CHST9: variants seen among roughly 807,000 people sequenced by gnomAD.
CHST9 encodes the protein carbohydrate sulfotransferase 9.
A neutral mutation model predicts 44.4 loss-of-function variants in CHST9; 41 were observed. The observed-to-expected ratio is 0.92, with a 90% CI of 0.72 to 1.20. The LOEUF (loss-of-function observed/expected upper bound fraction) is 1.20, where lower values mean the gene tolerates loss of function less well. CHST9 is among the 50% of genes most tolerant of loss of function. CHST9 has a pLI of 0.00. For missense variants in CHST9, 504 were observed against 516.5 expected (o/e 0.98, Z 0.23); for synonymous variants, 171 against 178.4 (o/e 0.96, Z 0.33).
intron 2 of CHST9, among the ~76,000 whole-genome samples, chr18:27,097,854 T>A (rs571075166): frequency 6.6e-6 from 1 of 152,156 alleles, no homozygotes; most frequent in African/African-American, 2.4e-5. Context: ...TTTCCCCATT[T>A]CTTGTTTTTG....
At chr18:27,132,524 T>A (rs2058480636) in intron 2 of CHST9, among the ~76,000 whole-genome samples, 1 of 152,176 alleles carries the variant, frequency 6.6e-6, no homozygotes, top group Non-Finnish European at 1.5e-5. Context: ...CAGCAAAGAC[T>A]TACTGAGCAT....
chr18:26,977,804 C>T (rs1345204354), intron 4 of CHST9, among the ~76,000 whole-genome samples: 1 of 152,116 alleles, frequency 6.6e-6, no homozygotes, highest in Non-Finnish European at 1.5e-5. Flanking sequence ...GTCTGACTCT[C>T]ATTCCAAGTG....
intron 4 of CHST9, among the ~76,000 whole-genome samples, chr18:26,950,900 T>C (rs982052997): frequency 4.6e-5 from 7 of 152,208 alleles, no homozygotes; most frequent in Non-Finnish European, 7.3e-5. Context: ...ACTTTCAGGA[T>C]AAAACTAGTC....
At chr18:26,962,921 T>C (rs1161694094) in intron 4 of CHST9, among the ~76,000 whole-genome samples, 1 of 152,206 alleles carries the variant, frequency 6.6e-6, no homozygotes, top group East Asian at 1.9e-4. Context: ...AAATCATTCG[T>C]GAGATGGGAT....
At chr18:27,022,246 A>G (rs1385258715) in intron 4 of CHST9, among the ~76,000 whole-genome samples, 1 of 152,150 alleles carries the variant, frequency 6.6e-6, no homozygotes, top group Non-Finnish European at 1.5e-5. Context: ...GCTTGTTCAC[A>G]GTATAGTGGC....
chr18:27,068,287 C>G (rs749974158), intron 2 of CHST9, among the ~76,000 whole-genome samples: 3 of 151,866 alleles, frequency 2.0e-5, no homozygotes, highest in Non-Finnish European at 4.4e-5. Flanking sequence ...TTTTTTCATA[C>G]TGACTTTACA....
chr18:27,113,497 T>G (rs1343534286), intron 2 of CHST9, among the ~76,000 whole-genome samples: 1 of 152,156 alleles, frequency 6.6e-6, no homozygotes, highest in African/African-American at 2.4e-5. Flanking sequence ...GTCCCCCTAA[T>G]AGTCATATGT....
intron 4 of CHST9, among the ~76,000 whole-genome samples, chr18:26,951,301 T>A (rs541933687): frequency 6.6e-6 from 1 of 152,324 alleles, no homozygotes; most frequent in Admixed American, 6.5e-5. Flanking sequence ...CTAATTCTTC[T>A]CATTGTAAGT....
At chr18:27,092,535 G>A (rs985747968) in intron 2 of CHST9, among the ~76,000 whole-genome samples, 2 of 152,064 alleles carry the variant, frequency 1.3e-5, no homozygotes, top group Non-Finnish European at 2.9e-5. Flanking sequence ...TAATTGTGGT[G>A]TTAGGGTGTT....
chr18:27,180,530 T>C (rs1011781129), intron 1 of CHST9, among the ~76,000 whole-genome samples: 2 of 152,140 alleles, frequency 1.3e-5, no homozygotes, highest in East Asian at 1.9e-4. Context: ...ACCTCTGTAC[T>C]GCTTCATTCT....
At chr18:27,010,787 G>T (rs996856583) in intron 4 of CHST9, among the ~76,000 whole-genome samples, 6 of 152,162 alleles carry the variant, frequency 3.9e-5, no homozygotes, top group Non-Finnish European at 5.9e-5. Context: ...ATCTGATTGG[G>T]AATTTCCTGA....
At chr18:26,959,048 C>A (rs2056365862) in intron 4 of CHST9, among the ~76,000 whole-genome samples, 1 of 152,114 alleles carries the variant, frequency 6.6e-6, no homozygotes, top group African/African-American at 2.4e-5. Context: ...TTCACAATAG[C>A]AAGACATGAA....
intron 2 of CHST9, among the ~76,000 whole-genome samples, chr18:27,140,932 C>A (rs1233463221): frequency 1.4e-5 from 1 of 69,678 alleles, no homozygotes; most frequent in Non-Finnish European, 3.5e-5. Flanking sequence ...TTATATGCAA[C>A]CTCTTTTCAC....
intron 2 of CHST9, among the ~76,000 whole-genome samples, chr18:27,125,160 T>G (rs1455592513): frequency 1.3e-5 from 2 of 152,228 alleles, no homozygotes; most frequent in Non-Finnish European, 2.9e-5. Flanking sequence ...GAGAACATAT[T>G]ATGATGAAAT....
At chr18:27,111,112 G>A (rs2058267204) in intron 2 of CHST9, among the ~76,000 whole-genome samples, 1 of 152,236 alleles carries the variant, frequency 6.6e-6, no homozygotes, top group African/African-American at 2.4e-5. Context: ...GCTCCCTGAT[G>A]CTGCGGGGCT....
chr18:27,109,509 T>C (rs62082886), intron 2 of CHST9, among the ~76,000 whole-genome samples: 3,801 of 152,328 alleles, frequency 0.025, 81 homozygotes, highest in Non-Finnish European at 0.036. Context: ...GCAGCCACAG[T>C]TGAAGACTAC....
Position 26,973,687 on chromosome 18 carries a change from T to A in CHST9, c.203-29321A>T, listed in dbSNP as rs527835643. ...ATGTGGTCCAAGGAAGTCAAAAGAC[T>A]GGACACCCCTTTAAATGGGAAAGTG... is the stretch of plus-strand genomic sequence containing the variant. On this transcript the variant is annotated intron_variant, in intron 4 of 5. Coordinates refer to ENST00000618847, the MANE Select transcript of CHST9 (RefSeq NM_031422.6). 2.4e-3 allele frequency among the ~76,000 whole-genome samples: 359 copies of A among 152,362 alleles called. 1 individual carries two copies. Among genetic ancestry groups the A allele is most frequent in the Non-Finnish European group, 4.2e-3 (285 of 68,030 alleles).
intron 4 of CHST9, among the ~76,000 whole-genome samples, chr18:26,994,291 TTTC>T (rs2056859254): frequency 6.6e-6 from 1 of 152,150 alleles, no homozygotes; most frequent in South Asian, 2.1e-4. Context: ...TGTTTTTCAT[TTTC>T]TTTTCTCTTA....
chr18:27,060,371 CT>C (rs1200473187), intron 2 of CHST9, among the ~76,000 whole-genome samples: 1 of 152,128 alleles, frequency 6.6e-6, no homozygotes, highest in Non-Finnish European at 1.5e-5. Context: ...AAGCTATTTT[CT>C]GGAAAAATCT....
Sources: allele counts gnomAD v4.1 joint callset (sites outside exome capture counted in the v4.1 genomes callset), GRCh38; gene constraint gnomAD v4.1.1; transcripts MANE v1.5; gene names NCBI Gene and HGNC (gene_info 2026-07-23, HGNC 2026-07-21).